The following SVIL variants were observed in gnomAD, a reference collection of about 807,000 sequenced individuals.
SVIL encodes supervillin, also known as archvillin.
In SVIL, 101 loss-of-function variants were observed where a neutral mutation model predicts 240.4. The observed-to-expected ratio is 0.42, with a 90% CI of 0.36 to 0.50. The LOEUF (loss-of-function observed/expected upper bound fraction) is 0.50. Ranked by LOEUF, SVIL falls within the 20% of genes least tolerant of loss-of-function variation. SVIL has a pLI of 0.01. For missense variants in SVIL, 2,512 were observed against 2,818.7 expected (o/e 0.89, Z 2.46); for synonymous variants, 999 against 1,100.0 (o/e 0.91, Z 1.82).
At chr10:29,714,173 T>A (rs1589564827) in intron 1 of SVIL, among the ~76,000 whole-genome samples, 1 of 152,186 alleles carries the variant, frequency 6.6e-6, no homozygotes, top group Non-Finnish European at 1.5e-5. Flanking sequence ...CAGCTTAGGG[T>A]TGTTGCTGCC....
Position 29,667,727 on chromosome 10 carries a change from C to A in SVIL, c.-300-9659G>T, listed in dbSNP as rs181840548. 2.4e-3 allele frequency among the ~76,000 whole-genome samples: 360 copies of A among 151,946 alleles called. 1 individual carries two copies. Among genetic ancestry groups the A allele is most frequent in the African/African-American group, 8.3e-3 (342 of 41,444 alleles). On this transcript the variant is annotated intron_variant, in intron 2 of 35. Transcript: ENST00000375400. ...AAGCCAGGTGTGGTGGTGCAGTGTG[C>A]GCCTACTGTCCTAGCTACTCAGGAG... is the stretch of plus-strand genomic sequence containing the variant.
At chr10:29,472,402 G>A (rs184215471) in intron 30 of SVIL, among the ~76,000 whole-genome samples, 4 of 152,368 alleles carry the variant, frequency 2.6e-5, no homozygotes, top group Admixed American at 2.6e-4. Context: ...GGCTGGGTGA[G>A]TGTGGATCTA....
chr10:29,527,512 C>T (rs190037365), intron 12 of SVIL, among the ~76,000 whole-genome samples: 13 of 152,070 alleles, frequency 8.5e-5, no homozygotes, highest in East Asian at 1.9e-4. Flanking sequence ...CTGCAAACTC[C>T]GCCTCCCGGG....
intron 1 of SVIL, among the ~76,000 whole-genome samples, chr10:29,688,664 T>C (rs1024629726): frequency 6.6e-6 from 1 of 152,088 alleles, no homozygotes; most frequent in Non-Finnish European, 1.5e-5. Flanking sequence ...TTTTAAAAAA[T>C]TATCTATCTA....
chr10:29,696,983 G>A lies in SVIL; in HGVS notation c.-399-10332C>T, dbSNP rs555615263. 4.0e-4 allele frequency among the ~76,000 whole-genome samples: 54 copies of A among 134,630 alleles called. 4 individuals carry two copies. The East Asian group carries it at 0.01, about 25-fold the overall frequency. The allele number at this position is 134,630 out of a possible 152,430, so 88.3% of individuals were successfully genotyped here. ...AGGGAGGTGGGGGGGTCAGCCCCTCGCCCAGCCAGCCGCCCCGTCCGGGAG... is the reference window on the plus strand; with the variant it reads ...AGGGAGGTGGGGGGGTCAGCCCCTCACCCAGCCAGCCGCCCCGTCCGGGAG... On this transcript the variant is annotated intron_variant, in intron 1 of 35. Transcript: ENST00000375400.
At chr10:29,602,573 CTA>C (rs1173050585) in intron 1 of SVIL, among the ~76,000 whole-genome samples, 1 of 152,234 alleles carries the variant, frequency 6.6e-6, no homozygotes, top group Non-Finnish European at 1.5e-5. Flanking sequence ...CTATGAAAAT[CTA>C]TAGACCTATC....
At chr10:29,588,964 C>T (rs545759304) in intron 1 of SVIL, among the ~76,000 whole-genome samples, 1 of 150,830 alleles carries the variant, frequency 6.6e-6, no homozygotes, top group African/African-American at 2.4e-5. Flanking sequence ...CAAACCCAAA[C>T]CCAGTTTGGA....
intron 1 of SVIL, among the ~76,000 whole-genome samples, chr10:29,584,634 T>C (rs1956087367): frequency 6.6e-6 from 1 of 152,238 alleles, no homozygotes; most frequent in African/African-American, 2.4e-5. Flanking sequence ...CCTCGTTCAC[T>C]GGCTCTGGGT....
In SVIL at chr10:29,524,021, T is replaced by TGGAAAGGACACCTGGAAGGACAC; in HGVS notation, c.2592_2593insGTGTCCTTCCAGGTGTCCTTTCC (p.Ser865ValfsTer19). On this transcript the variant is annotated frameshift_variant, in exon 15 of 38. Coordinates refer to ENST00000355867, the MANE Select transcript of SVIL (RefSeq NM_021738.3). LOFTEE classifies it high-confidence loss of function. Reference sequence around the variant, plus strand: ...GGTGAGAAAGGAATGAGCTTTCCACTCTGCACCTGGAAGGACACAGTTAAA... The same window carrying TGGAAAGGACACCTGGAAGGACAC: ...GGTGAGAAAGGAATGAGCTTTCCACTGGAAAGGACACCTGGAAGGACACCTGCACCTGGAAGGACACAGTTAAA... 6.2e-7 allele frequency: 1 copy of TGGAAAGGACACCTGGAAGGACAC among 1,603,378 alleles called. No individual in the cohort carries two copies. Among genetic ancestry groups the TGGAAAGGACACCTGGAAGGACAC allele is most frequent in the East Asian group, 2.2e-5 (1 of 44,726 alleles).
intron 3 of SVIL, among the ~76,000 whole-genome samples, chr10:29,653,604 G>T (rs1251371458): frequency 6.6e-6 from 1 of 151,444 alleles, no homozygotes; most frequent in African/African-American, 2.4e-5. Flanking sequence ...TTGTCCTTTT[G>T]GTATCATATC....
rs74131916 is a variant in SVIL, at chr10:29,612,233, G to A, written c.-201+22187C>T. ...GGGAATAGGAGGAGCATGGACAGTCGGTTGACTATGGATCCTCAACAGCCA... is the reference window on the plus strand; with the variant it reads ...GGGAATAGGAGGAGCATGGACAGTCAGTTGACTATGGATCCTCAACAGCCA... On this transcript the variant is annotated intron_variant, in intron 1 of 37. Coordinates refer to ENST00000355867, the MANE Select transcript of SVIL (RefSeq NM_021738.3). 3.3e-3 allele frequency among the ~76,000 whole-genome samples: 496 copies of A among 152,224 alleles called. 3 individuals carry two copies. Among genetic ancestry groups the A allele is most frequent in the African/African-American group, 0.011 (447 of 41,522 alleles).
chr10:29,560,018 T>C (rs1421712590), intron 3 of SVIL, among the ~76,000 whole-genome samples: 1 of 152,186 alleles, frequency 6.6e-6, no homozygotes, highest in African/African-American at 2.4e-5. Flanking sequence ...TCCTCCAAAC[T>C]TGAGTACAGT....
intron 11 of SVIL, 144 bp downstream of exon 11, chr10:29,530,463 T>G: frequency 1.2e-6 from 1 of 854,270 alleles, no homozygotes; most frequent in South Asian, 1.6e-5. Flanking sequence ...AATTTTTATT[T>G]TTTTTGAGAT....
At position 29,467,781 on chromosome 10, in the gene SVIL, C is replaced by T. The variant is rs1216840501; in HGVS notation, c.5938G>A (p.Gly1980Arg). ...SEPLGFWDAL[G>R]RRDRKAYDCM... ...TCGTAGGCTTTCCTGTCTCTCCTTCCTAAGGCATCCCAGAATCCGAGTGGC... is the reference window on the plus strand; with the variant it reads ...TCGTAGGCTTTCCTGTCTCTCCTTCTTAAGGCATCCCAGAATCCGAGTGGC... The change falls in exon 33 of 38, where the codon GGA becomes AGA. Residue 1980 changes from glycine to arginine, a missense_variant. Gly to Arg is a moderately radical substitution (Grantham distance 125). This residue lies in a region of SVIL where 797 missense variants were observed against 925.3 expected (regional missense o/e 0.86). Transcript: ENST00000355867. 6.2e-7 allele frequency: 1 copy of T among 1,614,186 alleles called. No homozygotes were observed. The highest frequency in any genetic ancestry group is 8.5e-7 in the Non-Finnish European group (1 of 1,180,040).
At chr10:29,661,326 T>C (rs774769914) in intron 2 of SVIL, among the ~76,000 whole-genome samples, 4 of 152,066 alleles carry the variant, frequency 2.6e-5, no homozygotes, top group Non-Finnish European at 1.5e-5. Context: ...GTCAGGATCA[T>C]TTAGGAAAAA....
chr10:29,492,707 C>T (rs1378869084), intron 21 of SVIL, among the ~76,000 whole-genome samples: 1 of 152,180 alleles, frequency 6.6e-6, no homozygotes, highest in African/African-American at 2.4e-5. Flanking sequence ...AACCCTTAGA[C>T]ATCAATGAGA....
intron 1 of SVIL, among the ~76,000 whole-genome samples, chr10:29,728,631 G>A (rs1285043818): frequency 6.6e-6 from 1 of 152,070 alleles, no homozygotes; most frequent in Non-Finnish European, 1.5e-5. Context: ...AAGGAAGGAA[G>A]GGAAAAAGAG....
At chr10:29,709,632 G>A (rs1338472165) in intron 1 of SVIL, among the ~76,000 whole-genome samples, 1 of 152,214 alleles carries the variant, frequency 6.6e-6, no homozygotes, top group Non-Finnish European at 1.5e-5. Context: ...TGTGCCTGCA[G>A]CAGCTAGCAG....
chr10:29,502,371 A>C (rs1158466067), intron 17 of SVIL, among the ~76,000 whole-genome samples: 1 of 152,160 alleles, frequency 6.6e-6, no homozygotes, highest in African/African-American at 2.4e-5. Context: ...ATATTTGTTC[A>C]TTTGATTTTT....
Sources: allele counts gnomAD v4.1 joint callset (sites outside exome capture counted in the v4.1 genomes callset), GRCh38; gene constraint gnomAD v4.1.1; regional missense constraint gnomAD v4.1.1; transcripts MANE v1.5; gene names NCBI Gene and HGNC (gene_info 2026-07-23, HGNC 2026-07-21).